The following HMGB1 variants were observed in gnomAD, a reference collection of about 807,000 sequenced individuals.
HMGB1 encodes the protein high mobility group protein B1.
For missense variants in HMGB1, 79 were observed against 253.5 expected, an observed-to-expected ratio of 0.31 and a Z score of 4.67; for synonymous variants, 81 against 84.0, an observed-to-expected ratio of 0.96 and a Z score of 0.19.
intron 1 of HMGB1, among the ~76,000 whole-genome samples, chr13:30,499,576 T>A (rs1887689435): frequency 6.6e-6 from 1 of 152,210 alleles, no homozygotes; most frequent in Non-Finnish European, 1.5e-5. Context: ...GTCATGAACA[T>A]TTCCCAAACC....
intron 1 of HMGB1, among the ~76,000 whole-genome samples, chr13:30,529,452 C>T (rs1477539913): frequency 1.3e-5 from 2 of 152,206 alleles, no homozygotes; most frequent in Non-Finnish European, 2.9e-5. Flanking sequence ...ATTCTTCCTA[C>T]ATTTAAGGCC....
chr13:30,483,873 C>T (rs547894143), intron 1 of HMGB1, among the ~76,000 whole-genome samples: 1 of 152,244 alleles, frequency 6.6e-6, no homozygotes, highest in African/African-American at 2.4e-5. Flanking sequence ...CTCAGCCTCT[C>T]AAAGTGCTGG....
intron 1 of HMGB1, among the ~76,000 whole-genome samples, chr13:30,581,546 T>A (rs1263257566): frequency 2.6e-5 from 4 of 152,208 alleles, no homozygotes. Context: ...ATACTTATCA[T>A]CTGACCTTTT....
At chr13:30,554,340 G>T in intron 1 of HMGB1, 1 of 890,664 alleles carries the variant, frequency 1.1e-6, no homozygotes, top group South Asian at 1.3e-5. Context: ...GGGTGCACGG[G>T]CACCTTCTCT....
chr13:30,519,466 T>A (rs183556558), intron 1 of HMGB1, among the ~76,000 whole-genome samples: 1 of 147,956 alleles, frequency 6.8e-6, no homozygotes, highest in Non-Finnish European at 1.5e-5. Flanking sequence ...GAGGCCAAGG[T>A]GGGCGGATCA....
In HMGB1 at chr13:30,459,379, CCTA is replaced by C. The variant is rs1313486337; in HGVS notation, c.*1975_*1977del. 4 of 152,116 alleles carry C rather than the reference CCTA, an allele frequency of 2.6e-5. No individual in the cohort carries two copies. The highest frequency in any genetic ancestry group is 2.6e-4 in the Admixed American group (4 of 15,272). 9.4% of individuals were successfully genotyped at this position (152,116 alleles called of 1,614,324 possible). A position where few individuals can be genotyped will look rare whatever the true frequency, so the allele number is the denominator to read the frequency against. On this transcript the variant is annotated 3_prime_UTR_variant, in exon 5 of 5. Coordinates refer to ENST00000341423, the MANE Select transcript of HMGB1 (RefSeq NM_002128.7). ...AAAAAATGGTAGTTGTCATGACGTA[CCTA>C]CTAAAGTTACAAATTCTCCTTGAGC... is the stretch of plus-strand genomic sequence containing the variant.
intron 1 of HMGB1, among the ~76,000 whole-genome samples, chr13:30,500,997 AT>A (rs67606943): frequency 1.1e-4 from 16 of 151,370 alleles, no homozygotes; most frequent in Non-Finnish European, 1.2e-4. Context: ...TTTTTAAAAA[AT>A]TTTTTTGCAG....
At chr13:30,537,002 CT>C (rs1358062814) in intron 1 of HMGB1, among the ~76,000 whole-genome samples, 1 of 152,174 alleles carries the variant, frequency 6.6e-6, no homozygotes, top group Non-Finnish European at 1.5e-5. Flanking sequence ...GGTCCTCTGT[CT>C]TCCCTGTTCG....
intron 1 of HMGB1, among the ~76,000 whole-genome samples, chr13:30,567,724 G>C (rs1870250164): frequency 6.6e-6 from 1 of 152,122 alleles, no homozygotes; most frequent in Admixed American, 6.5e-5. Flanking sequence ...TGGTGGTGAG[G>C]CAACTGAGGG....
At chr13:30,497,693 G>T (rs1049118253) in intron 1 of HMGB1, among the ~76,000 whole-genome samples, 3 of 152,062 alleles carry the variant, frequency 2.0e-5, no homozygotes, top group Non-Finnish European at 2.9e-5. Context: ...CTTATAGATG[G>T]AAACATGCAC....
intron 1 of HMGB1, among the ~76,000 whole-genome samples, chr13:30,596,209 A>G (rs997781255): frequency 6.6e-6 from 1 of 152,204 alleles, no homozygotes; most frequent in African/African-American, 2.4e-5. Context: ...CTCTCCCTTT[A>G]TAATCAATTA....
At chr13:30,571,435 C>T (rs1870424826) in intron 1 of HMGB1, among the ~76,000 whole-genome samples, 1 of 152,068 alleles carries the variant, frequency 6.6e-6, no homozygotes, top group Non-Finnish European at 1.5e-5. Flanking sequence ...GCTGGGACTA[C>T]AGGCATGTGC....
At chr13:30,532,452 C>T (rs1453403070) in intron 1 of HMGB1, among the ~76,000 whole-genome samples, 1 of 151,902 alleles carries the variant, frequency 6.6e-6, no homozygotes, top group Non-Finnish European at 1.5e-5. Context: ...TTTTAAATAG[C>T]TCCATAGTAT....
intron 1 of HMGB1, among the ~76,000 whole-genome samples, chr13:30,590,478 C>T (rs1871319875): frequency 6.6e-6 from 1 of 152,102 alleles, no homozygotes; most frequent in Non-Finnish European, 1.5e-5. Context: ...GCTGAGAATA[C>T]AGGTGTGAGT....
chr13:30,560,343 T>C (rs146996319), intron 1 of HMGB1, among the ~76,000 whole-genome samples: 1 of 152,302 alleles, frequency 6.6e-6, no homozygotes, highest in African/African-American at 2.4e-5. Flanking sequence ...GCCTTTGGTT[T>C]TGGCAAATAT....
intron 1 of HMGB1, chr13:30,464,531 G>A (rs1886591470): frequency 4.1e-6 from 4 of 984,726 alleles, no homozygotes; most frequent in African/African-American, 3.5e-5. Context: ...GACGCGGCCC[G>A]GCTCCCAGGC....
At chr13:30,530,240 A>G (rs1888464707) in intron 1 of HMGB1, among the ~76,000 whole-genome samples, 1 of 152,190 alleles carries the variant, frequency 6.6e-6, no homozygotes, top group South Asian at 2.1e-4. Flanking sequence ...CCTTCAGGCT[A>G]CCTGTATAGA....
intron 1 of HMGB1, among the ~76,000 whole-genome samples, chr13:30,517,461 G>A (rs1249584506): frequency 2.6e-5 from 4 of 152,256 alleles, no homozygotes; most frequent in East Asian, 1.9e-4. Flanking sequence ...CTGGAGTGCA[G>A]TGGCACAGTC....
chr13:30,493,183 T>C (rs953645128), intron 1 of HMGB1, among the ~76,000 whole-genome samples: 2 of 151,880 alleles, frequency 1.3e-5, no homozygotes, highest in Non-Finnish European at 2.9e-5. Context: ...ACAACTGGCA[T>C]AAACCAATTT....
Sources: allele counts gnomAD v4.1 joint callset (sites outside exome capture counted in the v4.1 genomes callset), GRCh38; gene constraint gnomAD v4.1.1; transcripts MANE v1.5; gene names NCBI Gene and HGNC (gene_info 2026-07-23, HGNC 2026-07-21).